Variants in KLRD1 observed in about 807,000 individuals in gnomAD.
KLRD1 encodes killer cell lectin like receptor D1, also known as natural killer cells antigen CD94.
Under a neutral mutation model 22.6 loss-of-function variants are expected in KLRD1, and 21 were observed. The ratio of observed to expected loss-of-function variants is 0.93; its 90% confidence interval spans 0.66 to 1.34. KLRD1 has a LOEUF of 1.34. KLRD1 is among the 40% of genes most tolerant of loss of function. The probability of loss-of-function intolerance (pLI) is 0.00; values close to 1 mark genes in which losing one functional copy is unlikely to be tolerated. For synonymous variants in KLRD1, 59 were observed against 71.1 expected (o/e 0.83, Z 0.85); for missense variants, 183 against 208.6 (o/e 0.88, Z 0.76).
chr12:10,254,473 A>G (rs1414808049), intron 1 of KLRD1, among the ~76,000 whole-genome samples: 1 of 151,598 alleles, frequency 6.6e-6, no homozygotes, highest in Non-Finnish European at 1.5e-5. Context: ...GAGTAAACAG[A>G]CAATGTACAG....
chr12:10,314,070 C>A (rs116601362), intron 5 of KLRD1, among the ~76,000 whole-genome samples: 3,291 of 152,128 alleles, frequency 0.022, 125 homozygotes, highest in African/African-American at 0.076. Flanking sequence ...TTAGTGTATT[C>A]GTGGCCATAA....
Position 10,323,769 on chromosome 12 carries a change from TC to T in KLRD1, c.*8977del, listed in dbSNP as rs1434002414. On this transcript the variant is annotated 3_prime_UTR_variant, in exon 6 of 6. Transcript: ENST00000336164. ...AATCATATAATATGTACATCTGTGT[TC>T]TAGATTTTTCATTCAGCATCATAAT... The T allele has an allele frequency of 6.6e-6, 1 of 152,040 alleles. No homozygotes were observed. Among genetic ancestry groups the T allele is most frequent in the African/African-American group, 2.4e-5 (1 of 41,406 alleles). The allele number at this position is 152,040 out of a possible 1,614,324, so 9.4% of individuals were successfully genotyped here.
At chr12:10,283,205 A>G (rs1592055472) in intron 1 of KLRD1, among the ~76,000 whole-genome samples, 1 of 152,288 alleles carries the variant, frequency 6.6e-6, no homozygotes, top group African/African-American at 2.4e-5. Flanking sequence ...GAACCACTTG[A>G]TGGGGACTGG....
intron 1 of KLRD1, among the ~76,000 whole-genome samples, chr12:10,283,595 T>A (rs1438184139): frequency 1.3e-5 from 2 of 151,982 alleles, no homozygotes; most frequent in Non-Finnish European, 2.9e-5. Flanking sequence ...CTGCAGGAGA[T>A]AAAGCCTGAA....
At chr12:10,255,531 G>A (rs961479334) in intron 1 of KLRD1, among the ~76,000 whole-genome samples, 1 of 151,928 alleles carries the variant, frequency 6.6e-6, no homozygotes, top group African/African-American at 2.4e-5. Flanking sequence ...GGTATGTTGT[G>A]TTTTTATTTT....
intron 1 of KLRD1, among the ~76,000 whole-genome samples, chr12:10,291,066 T>G (rs545344856): frequency 2.1e-4 from 32 of 152,348 alleles, no homozygotes; most frequent in African/African-American, 7.7e-4. Context: ...TCCCAATGCA[T>G]GTAAATGTTT....
At chr12:10,300,238 G>T (rs925130127), upstream of KLRD1, among the ~76,000 whole-genome samples, 10 of 152,072 alleles carry the variant, frequency 6.6e-5, no homozygotes, top group Non-Finnish European at 1.2e-4. Context: ...CCCTATCTTT[G>T]GTAGTTAGAG....
At chr12:10,244,338 A>C (rs561490175) in intron 1 of KLRD1, among the ~76,000 whole-genome samples, 57 of 152,244 alleles carry the variant, frequency 3.7e-4, no homozygotes, top group African/African-American at 1.3e-3. Flanking sequence ...GTCGCTACCC[A>C]CCAGGCTCAA....
intron 1 of KLRD1, among the ~76,000 whole-genome samples, chr12:10,272,857 C>T (rs1949561975): frequency 6.6e-6 from 1 of 151,998 alleles, no homozygotes; most frequent in Non-Finnish European, 1.5e-5. Context: ...AAATATTAAC[C>T]ATAAAGATTT....
chr12:10,300,779 G>T (rs1949859920), upstream of KLRD1, among the ~76,000 whole-genome samples: 1 of 152,214 alleles, frequency 6.6e-6, no homozygotes, highest in Non-Finnish European at 1.5e-5. Context: ...GTTGTTTAGT[G>T]TAGCCACTTT....
At chr12:10,244,308 G>A (rs2137612026) in intron 1 of KLRD1, among the ~76,000 whole-genome samples, 1 of 152,232 alleles carries the variant, frequency 6.6e-6, no homozygotes, top group South Asian at 2.1e-4. Context: ...ACAGGGAACT[G>A]GAGAACAGTC....
rs1555113906 is a variant in KLRD1 at position 10,324,818 on chromosome 12, G to GTATATATATATATA, written c.*10037_*10050dup. On this transcript the variant is annotated 3_prime_UTR_variant, in exon 6 of 6. Transcript: ENST00000336164. ...AGTATATATGTATATGTGTGTGTGT[G>GTATATATATATATA]TATATATATATATATATATATATAT... 0.033 allele frequency: 2,460 copies of GTATATATATATATA among 74,018 alleles called. 130 individuals carry two copies. The highest frequency in any genetic ancestry group is 0.1 in the East Asian group (172 of 1,726). The allele number at this position is 74,018 out of a possible 1,614,324, so 4.6% of individuals were successfully genotyped here.
chr12:10,304,368 C>T (rs771155852), upstream of KLRD1: 5 of 152,168 alleles, frequency 3.3e-5, no homozygotes, highest in Non-Finnish European at 7.3e-5. Flanking sequence ...TTACACATAG[C>T]TTATGTGACA....
chr12:10,296,215 C>A (rs985769738), intron 1 of KLRD1, among the ~76,000 whole-genome samples: 6 of 152,048 alleles, frequency 3.9e-5, no homozygotes. Flanking sequence ...GAGGTAGAAT[C>A]TCTAATAACA....
intron 1 of KLRD1, among the ~76,000 whole-genome samples, chr12:10,243,631 A>AAAAAAAAAAACAAAAAAAAAAG (rs771543645): frequency 8.4e-6 from 1 of 118,720 alleles, no homozygotes; most frequent in African/African-American, 4.2e-5. Context: ...AAAAAAAAAA[A>AAAAAAAAAAACAAAAAAAAAAG]AACCGAAATG....
intron 1 of KLRD1, among the ~76,000 whole-genome samples, chr12:10,258,083 A>T (rs10505754): frequency 0.8 from 121,801 of 151,942 alleles, 53,424 homozygotes; most frequent in Non-Finnish European, 0.98. Context: ...GAGTATTTGT[A>T]TAATTGTAGG....
chr12:10,285,546 G>A lies in KLRD1; in HGVS notation c.-100-22432G>A, dbSNP rs992172748. Among the ~76,000 whole-genome samples the A allele has an allele frequency of 2.6e-5, 4 of 152,192 alleles. No individual in the cohort carries two copies. The East Asian group carries it at 5.8e-4, about 22-fold the overall frequency. On this transcript the variant is annotated intron_variant, in intron 1 of 5. Transcript: ENST00000544747. ...GTCCTTTGTGTATCAATAGTCACCA[G>A]GATAATTTTTCACATGGTTTTATTT...
chr12:10,285,749 T>C (rs1949695551), intron 1 of KLRD1, among the ~76,000 whole-genome samples: 1 of 152,192 alleles, frequency 6.6e-6, no homozygotes, highest in Admixed American at 6.5e-5. Context: ...TTATGATTCT[T>C]ATGTTATTTT....
chr12:10,282,972 A>G (rs1416452988), intron 1 of KLRD1, among the ~76,000 whole-genome samples: 1 of 152,208 alleles, frequency 6.6e-6, no homozygotes, highest in East Asian at 1.9e-4. Flanking sequence ...TGTAGTAGAT[A>G]TTATTCAAGG....
Sources: allele counts gnomAD v4.1 joint callset (sites outside exome capture counted in the v4.1 genomes callset), GRCh38; gene constraint gnomAD v4.1.1; transcripts MANE v1.5; gene names NCBI Gene and HGNC (gene_info 2026-07-23, HGNC 2026-07-21).